FBLN2: variants seen among roughly 807,000 people sequenced by gnomAD.
FBLN2 encodes fibulin-2.
FBLN2 carries 81 observed loss-of-function variants against 123.7 expected under a neutral mutation model. The ratio of observed to expected loss-of-function variants is 0.65; its 90% CI spans 0.55 to 0.79. The LOEUF is 0.79. Ranked by LOEUF, FBLN2 falls within the 30% of genes least tolerant of loss-of-function variation. FBLN2 has a pLI of 0.00. For synonymous variants in FBLN2, 699 were observed against 701.4 expected (o/e 1.00, Z 0.05); for missense variants, 1,603 against 1,681.3 (o/e 0.95, Z 0.81).
rs116834620 is a variant in FBLN2, at chr3:13,557,343, G to C, written c.-42+8135G>C. On this transcript the variant is annotated intron_variant, in intron 1 of 17. Transcript: ENST00000404922. The stretch of plus-strand genomic sequence containing the variant: ...TTAAGTCAGCCATGAATACAAGAAG[G>C]TGGTTCTTCTTTCTTTGTTTTCACA... Among the ~76,000 whole-genome samples, 1,371 of 152,358 alleles carry C rather than the reference G, an allele frequency of 9.0e-3. 14 individuals are homozygous for C. The highest frequency in any genetic ancestry group is 0.031 in the African/African-American group (1,307 of 41,580).
At chr3:13,614,256 T>C in intron 5 of FBLN2, 92 bp downstream of exon 5, 1 of 1,281,738 alleles carries the variant, frequency 7.8e-7, no homozygotes, top group Non-Finnish European at 1.1e-6. Context: ...TCATCACCTG[T>C]GGCTTGAGAC....
At chr3:13,564,272 T>C (rs538937203) in intron 1 of FBLN2, among the ~76,000 whole-genome samples, 1 of 152,242 alleles carries the variant, frequency 6.6e-6, no homozygotes, top group African/African-American at 2.4e-5. Flanking sequence ...GGTTTCTTTG[T>C]CACTGTCTTG....
intron 5 of FBLN2, among the ~76,000 whole-genome samples, 156 bp downstream of exon 5, chr3:13,614,320 G>A (rs893762377): frequency 6.6e-6 from 1 of 151,922 alleles, no homozygotes; most frequent in Non-Finnish European, 1.5e-5. Context: ...TGTTTTCTGT[G>A]GACTACCCAC....
At chr3:13,603,572 T>C (rs566457811) in intron 2 of FBLN2, among the ~76,000 whole-genome samples, 4 of 152,302 alleles carry the variant, frequency 2.6e-5, no homozygotes, top group Non-Finnish European at 5.9e-5. Flanking sequence ...GAACTCATCC[T>C]TTTTTATGGC....
At chr3:13,621,379 G>A (rs1222862578) in intron 8 of FBLN2, among the ~76,000 whole-genome samples, 1 of 152,150 alleles carries the variant, frequency 6.6e-6, no homozygotes, top group Non-Finnish European at 1.5e-5. Flanking sequence ...CAGTGTCCTG[G>A]AGCCCCTGTG....
At chr3:13,615,602 C>T (rs1473970276) in intron 5 of FBLN2, among the ~76,000 whole-genome samples, 1 of 152,340 alleles carries the variant, frequency 6.6e-6, no homozygotes, top group African/African-American at 2.4e-5. Context: ...TATTCTTTAC[C>T]TTGTTCAGTG....
chr3:13,571,898 C>T (rs1703974990), intron 2 of FBLN2, among the ~76,000 whole-genome samples: 1 of 152,118 alleles, frequency 6.6e-6, no homozygotes, highest in South Asian at 2.1e-4. Flanking sequence ...GTGGGAGGTG[C>T]TGGGCCCCCT....
At chr3:13,579,892 A>G (rs1704267676) in intron 2 of FBLN2, among the ~76,000 whole-genome samples, 1 of 152,224 alleles carries the variant, frequency 6.6e-6, no homozygotes, top group Non-Finnish European at 1.5e-5. Flanking sequence ...CCAAGTGAAC[A>G]CACCTGTGAA....
rs1443417754 is a variant in FBLN2 at position 13,612,294 on chromosome 3, C to CTTTCTTTCTTTCTTTCTTT, written c.1549-1690_1549-1689insTTTCTTTCTTTCTTTCTTT. On this transcript the variant is annotated intron_variant, in intron 4 of 17. Transcript: ENST00000404922. ...TTTTCCTTTTCTTTTCTTTTATTTT[C>CTTTCTTTCTTTCTTTCTTT]CTTTCTTTCTTTCTTTCTTTCTTTC... 6.8e-3 allele frequency among the ~76,000 whole-genome samples: 792 copies of CTTTCTTTCTTTCTTTCTTT among 117,322 alleles called. 5 individuals carry two copies. The highest frequency in any genetic ancestry group is 8.7e-3 in the Non-Finnish European group (525 of 60,130). The allele number at this position is 117,322 out of a possible 152,430, so 77.0% of individuals were successfully genotyped here. A position where few individuals can be genotyped will look rare whatever the true frequency, so the allele number is the denominator to read the frequency against.
intron 2 of FBLN2, among the ~76,000 whole-genome samples, chr3:13,599,013 G>C (rs1430536193): frequency 1.3e-5 from 2 of 152,240 alleles, no homozygotes; most frequent in African/African-American, 4.8e-5. Flanking sequence ...CGTAGAACAA[G>C]AGAAGGTGTA....
In FBLN2 at chr3:13,638,216, G is replaced by C; in HGVS notation, c.*297G>C. The stretch of plus-strand genomic sequence containing the variant: ...GGACCAGAGACACGCGACCATGTTG[G>C]GGCTCTTGGACTCCTCTGGATGACC... On this transcript the variant is annotated 3_prime_UTR_variant, in exon 18 of 18. Coordinates refer to ENST00000404922, the MANE Select transcript of FBLN2 (RefSeq NM_001004019.2). The C allele has an allele frequency of 3.3e-6, 2 of 602,564 alleles. No individual in the cohort carries two copies. The highest frequency in any genetic ancestry group is 1.6e-5 in the South Asian group (1 of 61,360). 37.3% of individuals were successfully genotyped at this position (602,564 alleles called of 1,614,324 possible).
At chr3:13,621,689 G>C (rs3773264) in intron 8 of FBLN2, 86 bp from the exon 9 acceptor site, 3 of 1,481,232 alleles carry the variant, frequency 2.0e-6, no homozygotes, top group Non-Finnish European at 2.8e-6. Context: ...CCCTTGCTGG[G>C]TCTCATTCTC....
At chr3:13,633,637 A>C (rs1458244282) in intron 16 of FBLN2, among the ~76,000 whole-genome samples, 1 of 152,194 alleles carries the variant, frequency 6.6e-6, no homozygotes, top group Non-Finnish European at 1.5e-5. Flanking sequence ...CGGCTCAAAC[A>C]GGGTGGGGGG....
In FBLN2 at chr3:13,629,866, G is replaced by A. The variant is rs760215216; in HGVS notation, c.2889G>A (p.Thr963=). Residue 963 remains threonine (T), a synonymous_variant, in exon 14 of 18, where the codon ACG becomes ACA. Coordinates refer to ENST00000404922, the MANE Select transcript of FBLN2 (RefSeq NM_001004019.2). ...CGCCAGGCCGCCTGTGCCAGCACAC[G>A]TGTGAGAACACACTCGGCTCCTACC... The part of the protein sequence containing the change: ...WASPGRLCQH[T]CENTLGSYRC... The A allele has an allele frequency of 1.1e-5, 18 of 1,596,484 alleles. No homozygotes were observed. The highest frequency in any genetic ancestry group is 2.3e-5 in the East Asian group (1 of 43,940).
intron 7 of FBLN2, among the ~76,000 whole-genome samples, chr3:13,619,466 C>T (rs1237875978): frequency 2.6e-5 from 4 of 152,192 alleles, no homozygotes; most frequent in African/African-American, 9.7e-5. Context: ...TTCTTGCTGT[C>T]ACGCAAGGCA....
chr3:13,616,623 C>T (rs1470782508), intron 5 of FBLN2, among the ~76,000 whole-genome samples: 1 of 152,208 alleles, frequency 6.6e-6, no homozygotes, highest in Non-Finnish European at 1.5e-5. Flanking sequence ...CATGCAGCTA[C>T]TCTCTCTGTG....
chr3:13,574,902 C>T (rs1704083987), intron 2 of FBLN2, among the ~76,000 whole-genome samples: 1 of 152,190 alleles, frequency 6.6e-6, no homozygotes, highest in South Asian at 2.1e-4. Context: ...ATGCTGCGTG[C>T]ACATGGCCGT....
intron 2 of FBLN2, among the ~76,000 whole-genome samples, chr3:13,578,669 A>G (rs1388161187): frequency 6.6e-6 from 1 of 151,724 alleles, no homozygotes; most frequent in Non-Finnish European, 1.5e-5. Flanking sequence ...TAAGTTTATT[A>G]TATGGACACA....
chr3:13,605,627 C>A (rs1434607814), intron 2 of FBLN2, among the ~76,000 whole-genome samples: 2 of 152,160 alleles, frequency 1.3e-5, no homozygotes, highest in Non-Finnish European at 2.9e-5. Context: ...AGGCTGTCCG[C>A]AACCCCTTTC....
Sources: gnomAD v4.1 joint callset for allele counts (sites outside exome capture counted in the v4.1 genomes callset) on GRCh38, gnomAD v4.1.1 for gene constraint, MANE v1.5 for transcripts, NCBI Gene and HGNC (gene_info 2026-07-23, HGNC 2026-07-21) for gene names.